The following RHPN1 variants were observed in gnomAD, a reference collection of about 807,000 sequenced individuals.
The protein encoded by RHPN1 is rhophilin Rho GTPase binding protein 1, also known as rhophilin-1.
Under a neutral mutation model 74.7 loss-of-function variants are expected in RHPN1, and 77 were observed. The observed-to-expected ratio is 1.03, with a 90% CI of 0.86 to 1.25. The LOEUF (loss-of-function observed/expected upper bound fraction) is 1.25, where lower values mean the gene tolerates loss of function less well. Among genes scored for constraint, RHPN1 ranks in the 50% most tolerant of loss-of-function variants. The probability of loss-of-function intolerance (pLI) is 0.00; values close to 1 mark genes in which losing one functional copy is unlikely to be tolerated. For synonymous variants in RHPN1, 444 were observed against 414.5 expected (o/e 1.07, Z -0.87); for missense variants, 987 against 932.2 (o/e 1.06, Z -0.77).
intron 3 of RHPN1, 35 bp from the exon 4 acceptor site, chr8:143,377,345 G>T: frequency 6.3e-7 from 1 of 1,583,526 alleles, no homozygotes; most frequent in Non-Finnish European, 8.7e-7. Context: ...GCAGGGTTTG[G>T]CCTTACAGTC....
At chr8:143,377,573 G>A (rs1456205131) in intron 4 of RHPN1, 118 bp downstream of exon 4, 17 of 705,958 alleles carry the variant, frequency 2.4e-5, no homozygotes, top group African/African-American at 3.6e-5. Context: ...GGCCCAGAGG[G>A]AGGGAGGCTT....
chr8:143,382,360 C>G, intron 14 of RHPN1, 76 bp from the exon 15 acceptor site: 1 of 1,346,124 alleles, frequency 7.4e-7, no homozygotes, highest in Non-Finnish European at 1.0e-6. Flanking sequence ...AGGTGGTTCT[C>G]ACCCCTCCCA....
intron 10 of RHPN1, 170 bp downstream of exon 10, chr8:143,380,345 G>T: frequency 1.5e-6 from 1 of 680,452 alleles, no homozygotes; most frequent in Non-Finnish European, 2.4e-6. Flanking sequence ...CCCAGCGCAG[G>T]GGCCCCAGGA....
chr8:143,374,024 G>A, intron 1 of RHPN1: 1 of 680,390 alleles, frequency 1.5e-6, no homozygotes, highest in Non-Finnish European at 1.8e-6. Flanking sequence ...TGGGGGGCTG[G>A]ACGAGCAGGC....
At chr8:143,382,273 T>C (rs984772430) in intron 14 of RHPN1, among the ~76,000 whole-genome samples, 163 bp from the exon 15 acceptor site, 1 of 152,114 alleles carries the variant, frequency 6.6e-6, no homozygotes, top group Non-Finnish European at 1.5e-5. Flanking sequence ...CAGGGTTGGG[T>C]GAAACCCATG....
Position 143,378,947 on chromosome 8 carries a change from G to C in RHPN1, c.620G>C (p.Arg207Pro). 1.3e-6 allele frequency: 2 copies of C among 1,578,738 alleles called. No individual in the cohort carries two copies. The highest frequency in any genetic ancestry group is 2.7e-5 in the African/African-American group (2 of 73,916). Reference sequence around the variant, plus strand: ...CTTACTGGGGTCCCGGCCCAGCAGCGTGCCCTGGCCTTCGAGAAGGGCAGC... The same window carrying C: ...CTTACTGGGGTCCCGGCCCAGCAGCCTGCCCTGGCCTTCGAGAAGGGCAGC... ...DSLTGVPAQQ[R>P]ALAFEKGSVL... is the part of the protein sequence containing the mutation. The change falls in exon 7 of 15, where the codon CGT becomes CCT. Residue 207 changes from arginine (R) to proline (P), a missense_variant. Physicochemically the swap from Arg to Pro is moderately radical, Grantham distance 103 (BLOSUM62 -2). Coordinates refer to ENST00000289013, the MANE Select transcript of RHPN1 (RefSeq NM_052924.3).
intron 2 of RHPN1, 66 bp from the exon 3 acceptor site, chr8:143,376,459 G>A (rs1376408989): frequency 6.3e-6 from 10 of 1,587,540 alleles, no homozygotes; most frequent in Non-Finnish European, 8.6e-6. Flanking sequence ...CAGGACGGCT[G>A]CAGTGGGCAC....
intron 14 of RHPN1, 104 bp from the exon 15 acceptor site, chr8:143,382,332 G>A (rs980665011): frequency 9.0e-5 from 92 of 1,017,910 alleles, no homozygotes; most frequent in Non-Finnish European, 1.3e-4. Context: ...ACAAGCCCCC[G>A]ACGTGCCAGC....
At chr8:143,372,640 C>A (rs1375048422) in intron 1 of RHPN1, among the ~76,000 whole-genome samples, 4 of 151,786 alleles carry the variant, frequency 2.6e-5, no homozygotes, top group Admixed American at 1.3e-4. Context: ...TCCCTCCGGC[C>A]CCTAAGCGCC....
At chr8:143,380,461 C>G in intron 10 of RHPN1, 128 bp from the exon 11 acceptor site, 1 of 864,116 alleles carries the variant, frequency 1.2e-6, no homozygotes, top group Non-Finnish European at 1.7e-6. Flanking sequence ...TCCTCACCCC[C>G]GTGGCGCGCA....
At chr8:143,366,371 A>G (rs1354976280), upstream of RHPN1, among the ~76,000 whole-genome samples, 1 of 152,104 alleles carries the variant, frequency 6.6e-6, no homozygotes. Flanking sequence ...AAACCCACAC[A>G]TGTACCTCCA....
rs956895554 is a variant in RHPN1 at position 143,381,564 on chromosome 8, C to T, written c.1489-8C>T. ...CAGCTGGGCCTCTGACCTCTGAGCC[C>T]CTGCCAGGGGCCCCTGTCTGTGTTC... On this transcript the variant is annotated splice_polypyrimidine_tract_variant and splice_region_variant and intron_variant, in intron 12 of 14. Coordinates refer to ENST00000289013, the MANE Select transcript of RHPN1 (RefSeq NM_052924.3). 1 of 1,604,328 alleles carries T rather than the reference C, an allele frequency of 6.2e-7. No individual in the cohort carries two copies. Among genetic ancestry groups the T allele is most frequent in the Non-Finnish European group, 8.5e-7 (1 of 1,177,972 alleles).
upstream of RHPN1, chr8:143,367,064 T>G (rs1586794162): frequency 1.3e-5 from 2 of 151,482 alleles, no homozygotes; most frequent in East Asian, 1.9e-4. Flanking sequence ...GCGAAGGGGG[T>G]GGGTGAAGGT....
Position 143,368,931 on chromosome 8 carries a change from C to T in RHPN1, c.-57C>T. 1 of 1,374,348 alleles carries T rather than the reference C, an allele frequency of 7.3e-7. No homozygotes were observed. Among genetic ancestry groups the T allele is most frequent in the South Asian group, 1.4e-5 (1 of 69,460 alleles). 85.1% of individuals were successfully genotyped at this position (1,374,348 alleles called of 1,614,324 possible). ...GCGGCCCTAGCCCGGCTGCGGAGCG[C>T]TGCGCGAGCGGCGGGCTGGCTGACC... On this transcript the variant is annotated 5_prime_UTR_variant, in exon 1 of 15. Transcript: ENST00000289013.
rs1052423118 is a variant in RHPN1, at chr8:143,368,907, C to A, written c.-81C>A. 53 of 1,098,540 alleles carry A rather than the reference C, an allele frequency of 4.8e-5. 1 individual carries two copies. In the East Asian group the frequency reaches 1.3e-3, roughly 27 times the overall value. 68.0% of individuals were successfully genotyped at this position (1,098,540 alleles called of 1,614,324 possible). A position where few individuals can be genotyped will look rare whatever the true frequency, so the allele number is the denominator to read the frequency against. ...GAGCCCGCGGCCCAGGTGGTGCGGG[C>A]GGCCCTAGCCCGGCTGCGGAGCGCT... On this transcript the variant is annotated 5_prime_UTR_variant, in exon 1 of 15. Coordinates refer to ENST00000289013, the MANE Select transcript of RHPN1 (RefSeq NM_052924.3).
rs1389741947 is a variant in RHPN1 at position 143,381,792 on chromosome 8, C to G, written c.1636-15C>G. On this transcript the variant is annotated splice_polypyrimidine_tract_variant and intron_variant, in intron 13 of 14. Transcript: ENST00000289013. ...GGTGTCCTGTCCCCACCTCACCGTC[C>G]AAGTCTCCCCACAGGCGGCTGGCCT... 6.2e-7 allele frequency: 1 copy of G among 1,610,308 alleles called. No homozygotes were observed. The highest frequency in any genetic ancestry group is 8.5e-7 in the Non-Finnish European group (1 of 1,178,628).
At chr8:143,378,458 G>T in intron 5 of RHPN1, 112 bp downstream of exon 5, 1 of 1,043,612 alleles carries the variant, frequency 9.6e-7, no homozygotes, top group Non-Finnish European at 1.4e-6. Flanking sequence ...TCTCGAGGAC[G>T]TGGGGAGACG....
chr8:143,369,962 T>C (rs1416302977), intron 1 of RHPN1, among the ~76,000 whole-genome samples: 2 of 152,208 alleles, frequency 1.3e-5, no homozygotes, highest in Non-Finnish European at 2.9e-5. Context: ...ATGCTGACCG[T>C]AGCCCTCAAG....
At position 143,380,786 on chromosome 8, in the gene RHPN1, G is replaced by T; in HGVS notation, c.1411+3G>T. Reference sequence around the variant, plus strand: ...TGCCGAGGCCCCGGACATCCAGCGTGAGCAGCCAGGGCCTGTCTGGGTGGC... The same window carrying T: ...TGCCGAGGCCCCGGACATCCAGCGTTAGCAGCCAGGGCCTGTCTGGGTGGC... On this transcript the variant is annotated splice_donor_region_variant and intron_variant, in intron 11 of 14. Coordinates refer to ENST00000289013, the MANE Select transcript of RHPN1 (RefSeq NM_052924.3). 1 of 1,557,672 alleles carries T rather than the reference G, an allele frequency of 6.4e-7. No individual in the cohort carries two copies.
Sources: gnomAD v4.1 joint callset for allele counts (sites outside exome capture counted in the v4.1 genomes callset) on GRCh38, gnomAD v4.1.1 for gene constraint, MANE v1.5 for transcripts, NCBI Gene and HGNC (gene_info 2026-07-23, HGNC 2026-07-21) for gene names.